ZNF205: variants seen among roughly 807,000 people sequenced by gnomAD.
The protein encoded by ZNF205 is transcriptional repressor RHIT.
ZNF205 carries 32 observed loss-of-function variants against 53.6 expected under a neutral mutation model. The observed-to-expected ratio is 0.60, with a 90% confidence interval of 0.45 to 0.80. The LOEUF is 0.80. Among genes scored for constraint, ZNF205 ranks in the 30% least tolerant of loss-of-function variants. The probability of loss-of-function intolerance (pLI) is 0.00; values close to 1 mark genes in which losing one functional copy is unlikely to be tolerated. For synonymous variants in ZNF205, 382 were observed against 334.3 expected (o/e 1.14, Z -1.56); for missense variants, 836 against 782.4 (o/e 1.07, Z -0.82).
At chr16:3,118,320 C>A (rs977668150) in intron 5 of ZNF205, among the ~76,000 whole-genome samples, 1 of 152,096 alleles carries the variant, frequency 6.6e-6, no homozygotes, top group Non-Finnish European at 1.5e-5. Flanking sequence ...GTGCCTGGGC[C>A]AGCAAGCCCA....
At position 3,118,902 on chromosome 16, in the gene ZNF205, C is replaced by T. The variant is rs1441991769; in HGVS notation, c.485-3C>T. ...TGACAGCACAGCATCTCTTTCTGGG[C>T]AGGCTTTCCCTTCAGCAGGCCTTTC... On this transcript the variant is annotated splice_polypyrimidine_tract_variant and splice_region_variant and intron_variant, in intron 5 of 6. Coordinates refer to ENST00000219091, the MANE Select transcript of ZNF205 (RefSeq NM_001042428.2). 1.9e-6 allele frequency: 3 copies of T among 1,612,976 alleles called. No individual in the cohort carries two copies. The highest frequency in any genetic ancestry group is 1.3e-5 in the African/African-American group (1 of 75,048).
In ZNF205 at chr16:3,119,398, G is replaced by C. The variant is rs1047743509; in HGVS notation, c.738G>C (p.Gly246=). The change falls in exon 7 of 7, where the codon GGG becomes GGC. Residue 246 remains glycine (G), a synonymous_variant. Coordinates refer to ENST00000219091, the MANE Select transcript of ZNF205 (RefSeq NM_001042428.2). ...AAGCAGCCTGCGGCCGGAGCTCAGG[G>C]CCGGCCAAAGACTCCGGGCAGCCGG... ...AQEAACGRSS[G]PAKDSGQPAE... 1 of 1,610,374 alleles carries C rather than the reference G, an allele frequency of 6.2e-7. No homozygotes were observed. Among genetic ancestry groups the C allele is most frequent in the Admixed American group, 1.7e-5 (1 of 59,768 alleles).
intron 2 of ZNF205, chr16:3,114,780 A>T (rs922369003): frequency 6.6e-6 from 1 of 152,190 alleles, no homozygotes; most frequent in South Asian, 2.1e-4. Flanking sequence ...CTAGACTAAG[A>T]GGACCCTCCC....
chr16:3,120,364 G>A lies in ZNF205; in HGVS notation c.*39G>A. On this transcript the variant is annotated 3_prime_UTR_variant, in exon 7 of 7. Coordinates refer to ENST00000219091, the MANE Select transcript of ZNF205 (RefSeq NM_001042428.2). ...GGGGAGCGGGGCGCCCAGGGCCACT[G>A]GAACAGCCCCACTGGAGTCAAGGCT... The A allele has an allele frequency of 5.5e-6, 8 of 1,461,160 alleles. No individual in the cohort carries two copies. Among genetic ancestry groups the A allele is most frequent in the Non-Finnish European group, 7.2e-6 (8 of 1,115,036 alleles). The allele number at this position is 1,461,160 out of a possible 1,614,324, so 90.5% of individuals were successfully genotyped here.
At chr16:3,116,215 T>C in intron 4 of ZNF205, 1 of 708,784 alleles carries the variant, frequency 1.4e-6, no homozygotes, top group Non-Finnish European at 2.3e-6. Flanking sequence ...GTCTTAACTG[T>C]GATCCCTGAA....
chr16:3,117,116 C>G (rs540187861), intron 5 of ZNF205, among the ~76,000 whole-genome samples: 1 of 152,288 alleles, frequency 6.6e-6, no homozygotes, highest in African/African-American at 2.4e-5. Context: ...TTTTAATCAG[C>G]TCAAATGAGA....
At chr16:3,116,047 G>T (rs1225156520) in intron 4 of ZNF205, 127 bp downstream of exon 4, 4 of 1,079,388 alleles carry the variant, frequency 3.7e-6, no homozygotes, top group Non-Finnish European at 5.4e-6. Context: ...TCTTGCTAGT[G>T]TTGCTGGAAT....
rs139893783 is a variant in ZNF205 at position 3,117,442 on chromosome 16, C to CT, written c.484+919dup. Among the ~76,000 whole-genome samples the CT allele has an allele frequency of 9.2e-3, 675 of 73,138 alleles. 79 individuals are homozygous for CT. Among genetic ancestry groups the CT allele is most frequent in the African/African-American group, 0.026 (466 of 17,880 alleles). 48.0% of individuals were successfully genotyped at this position (73,138 alleles called of 152,430 possible). Reference sequence around the variant, plus strand: ...GATGTTAAGTATTTAAGTCCCAGAGCTTTTTTTTTTTTTTTTTTTTTTTTG... The same window carrying CT: ...GATGTTAAGTATTTAAGTCCCAGAGCTTTTTTTTTTTTTTTTTTTTTTTTTG... On this transcript the variant is annotated intron_variant, in intron 5 of 6. Coordinates refer to ENST00000219091, the MANE Select transcript of ZNF205 (RefSeq NM_001042428.2).
chr16:3,119,718 A>G lies in ZNF205; in HGVS notation c.1058A>G (p.Gln353Arg), dbSNP rs960369069. 21 of 1,611,154 alleles carry G rather than the reference A, an allele frequency of 1.3e-5. No individual in the cohort carries two copies. Among genetic ancestry groups the G allele is most frequent in the Non-Finnish European group, 1.6e-5 (19 of 1,179,100 alleles). The change falls in exon 7 of 7, where the codon CAG becomes CGG. Residue 353 changes from glutamine (Q) to arginine (R), a missense_variant. Coordinates refer to ENST00000219091, the MANE Select transcript of ZNF205 (RefSeq NM_001042428.2). ...TTCGGCCGCAGCTCGCACCTCATCC[A>G]GCACCAGATCATCCACACGGGCGAG... is the stretch of plus-strand genomic sequence containing the variant. ...KRFGRSSHLI[Q>R]HQIIHTGEKP...
chr16:3,113,371 G>A (rs537414326), intron 1 of ZNF205, 46 bp from the exon 2 acceptor site: 5 of 1,598,824 alleles, frequency 3.1e-6, no homozygotes, highest in Non-Finnish European at 2.6e-6. Context: ...AAGCTGGAGG[G>A]GGCTTGGCCA....
chr16:3,116,137 C>T (rs935632694), intron 4 of ZNF205: 20 of 668,198 alleles, frequency 3.0e-5, no homozygotes, highest in Non-Finnish European at 4.5e-5. Flanking sequence ...CAGGGCCTCT[C>T]GCTGGTAGCC....
rs931370061 is a variant in ZNF205, at chr16:3,115,674, G to A, written c.271+106G>A. The A allele has an allele frequency of 5.7e-6, 8 of 1,409,112 alleles. No individual in the cohort carries two copies. The African/African-American group carries it at 8.7e-5, about 15-fold the overall frequency. The allele number at this position is 1,409,112 out of a possible 1,614,324, so 87.3% of individuals were successfully genotyped here. A position where few individuals can be genotyped will look rare whatever the true frequency, so the allele number is the denominator to read the frequency against. ...GCTGAGGGTCTCTATGCCAGCAGGG[G>A]ACGCTATCCCCCCATGGCCCACAGC... On this transcript the variant is annotated intron_variant, in intron 3 of 6. Coordinates refer to ENST00000219091, the MANE Select transcript of ZNF205 (RefSeq NM_001042428.2).
At chr16:3,114,541 G>A (rs573792785) in intron 2 of ZNF205, among the ~76,000 whole-genome samples, 1 of 152,312 alleles carries the variant, frequency 6.6e-6, no homozygotes, top group South Asian at 2.1e-4. Context: ...TTCCTGTGCT[G>A]TGGATGAGGC....
intron 2 of ZNF205, 126 bp downstream of exon 2, chr16:3,113,613 G>A: frequency 1.9e-6 from 2 of 1,043,012 alleles, no homozygotes; most frequent in Non-Finnish European, 2.8e-6. Context: ...CAAAGAGAAG[G>A]TGGCATGCTG....
Position 3,120,184 on chromosome 16 carries a change from G to T in ZNF205, c.1524G>T (p.Leu508Phe), listed in dbSNP as rs770674322. ...HRGVRPYACPLCGKSFSRRSN... is the reference protein window; with the variant it reads ...HRGVRPYACPFCGKSFSRRSN... Reference sequence around the variant, plus strand: ...GCGTGCGGCCCTACGCCTGCCCGTTGTGCGGCAAGAGCTTCAGCCGGCGCT... The same window carrying T: ...GCGTGCGGCCCTACGCCTGCCCGTTTTGCGGCAAGAGCTTCAGCCGGCGCT... Residue 508 changes from leucine to phenylalanine, a missense_variant, in exon 7 of 7, where the codon TTG (leucine) becomes TTT (phenylalanine). By Grantham distance (22) the Leu-to-Phe change is conservative. Coordinates refer to ENST00000219091, the MANE Select transcript of ZNF205 (RefSeq NM_001042428.2). 1 of 1,606,560 alleles carries T rather than the reference G, an allele frequency of 6.2e-7. No homozygotes were observed. Among genetic ancestry groups the T allele is most frequent in the Admixed American group, 1.7e-5 (1 of 59,574 alleles).
chr16:3,113,320 C>G (rs929122107), intron 1 of ZNF205, 97 bp from the exon 2 acceptor site: 16 of 1,191,594 alleles, frequency 1.3e-5, no homozygotes, highest in Non-Finnish European at 1.2e-6. Flanking sequence ...GTCCAGGAAG[C>G]GAGGGCTGGT....
Position 3,118,912 on chromosome 16 carries a change from C to A in ZNF205, c.492C>A (p.Pro164=). 1 of 1,613,420 alleles carries A rather than the reference C, an allele frequency of 6.2e-7. No homozygotes were observed. Among genetic ancestry groups the A allele is most frequent in the Non-Finnish European group, 8.5e-7 (1 of 1,179,872 alleles). ...QKKNGLSLGF[P]FSRPFWAPQA... ...GCATCTCTTTCTGGGCAGGCTTTCC[C>A]TTCAGCAGGCCTTTCTGGGCCCCTC... Residue 164 remains proline, a synonymous_variant, in exon 6 of 7, where the codon CCC becomes CCA. Coordinates refer to ENST00000219091, the MANE Select transcript of ZNF205 (RefSeq NM_001042428.2).
chr16:3,116,610 C>CT, intron 5 of ZNF205, 63 bp downstream of exon 5: 3 of 1,558,280 alleles, frequency 1.9e-6, no homozygotes, highest in Non-Finnish European at 2.6e-6. Context: ...GCCGTCTCCT[C>CT]TTTCCTCCCT....
chr16:3,120,387 G>T lies in ZNF205; in HGVS notation c.*62G>T, dbSNP rs1489561852. The T allele has an allele frequency of 6.3e-6, 9 of 1,436,950 alleles. No individual in the cohort carries two copies. Among genetic ancestry groups the T allele is most frequent in the South Asian group, 5.8e-5 (4 of 68,738 alleles). 89.0% of individuals were successfully genotyped at this position (1,436,950 alleles called of 1,614,324 possible). On this transcript the variant is annotated 3_prime_UTR_variant, in exon 7 of 7. Transcript: ENST00000219091. ...CTGGAACAGCCCCACTGGAGTCAAG[G>T]CTCCGAGGGAGGAGAGAGGGGCTCG... is the stretch of plus-strand genomic sequence containing the variant.
Sources: gnomAD v4.1 joint callset for allele counts (sites outside exome capture counted in the v4.1 genomes callset) on GRCh38, gnomAD v4.1.1 for gene constraint, MANE v1.5 for transcripts, NCBI Gene and HGNC (gene_info 2026-07-23, HGNC 2026-07-21) for gene names.